The following ARHGAP18 variants were observed in gnomAD, a reference collection of about 807,000 sequenced individuals.
ARHGAP18 encodes Rho GTPase activating protein 18, also known as rho GTPase-activating protein 18.
ARHGAP18 carries 67 observed loss-of-function variants against 86.2 expected under a neutral mutation model. That is an observed-to-expected ratio of 0.78 (90% CI 0.64 to 0.95). ARHGAP18 has a LOEUF of 0.95. ARHGAP18 is among the 40% of genes least tolerant of loss of function. The pLI is 0.00. For synonymous variants in ARHGAP18, 283 were observed against 280.4 expected (o/e 1.01, Z -0.09); for missense variants, 691 against 780.4 (o/e 0.89, Z 1.37).
At chr6:129,614,618 C>T (rs935954193) in intron 7 of ARHGAP18, among the ~76,000 whole-genome samples, 1 of 152,176 alleles carries the variant, frequency 6.6e-6, no homozygotes, top group South Asian at 2.1e-4. Flanking sequence ...CACGTGGCAT[C>T]ACTGAACCTC....
At chr6:129,676,498 T>A (rs541057268) in intron 1 of ARHGAP18, among the ~76,000 whole-genome samples, 12 of 152,158 alleles carry the variant, frequency 7.9e-5, no homozygotes, top group Non-Finnish European at 1.6e-4. Flanking sequence ...CCCTGGCATC[T>A]CCACAGTTAG....
chr6:129,604,148 T>C (rs908621114), intron 10 of ARHGAP18, among the ~76,000 whole-genome samples: 15 of 152,174 alleles, frequency 9.9e-5, no homozygotes, highest in South Asian at 6.2e-4. Context: ...AAAGCTTAAG[T>C]AAACATGTAA....
chr6:129,639,067 T>A (rs575665670), intron 2 of ARHGAP18, among the ~76,000 whole-genome samples: 2 of 152,344 alleles, frequency 1.3e-5, no homozygotes, highest in South Asian at 2.1e-4. Flanking sequence ...GTTTTCTCTG[T>A]TCACTGTAGC....
intron 1 of ARHGAP18, among the ~76,000 whole-genome samples, chr6:129,667,239 C>G (rs1774057468): frequency 6.6e-6 from 1 of 151,792 alleles, no homozygotes; most frequent in Non-Finnish European, 1.5e-5. Flanking sequence ...CTTGTGGGCA[C>G]TGTTGTTCAA....
At chr6:129,587,730 G>C (rs1788425718) in intron 12 of ARHGAP18, among the ~76,000 whole-genome samples, 1 of 152,128 alleles carries the variant, frequency 6.6e-6, no homozygotes, top group African/African-American at 2.4e-5. Context: ...CTCCTACCAG[G>C]TGCCTCCCAC....
chr6:129,633,135 T>C (rs1476944983), intron 4 of ARHGAP18, among the ~76,000 whole-genome samples: 1 of 152,096 alleles, frequency 6.6e-6, no homozygotes, highest in Non-Finnish European at 1.5e-5. Flanking sequence ...AAAGCCTTAA[T>C]AGTAACTTTT....
At chr6:129,677,948 A>G (rs1774264345) in intron 1 of ARHGAP18, among the ~76,000 whole-genome samples, 1 of 152,238 alleles carries the variant, frequency 6.6e-6, no homozygotes, top group South Asian at 2.1e-4. Context: ...TTAATGTGGG[A>G]AAGGGAAAGG....
chr6:129,640,133 T>C (rs1287235387), intron 2 of ARHGAP18, among the ~76,000 whole-genome samples: 1 of 151,006 alleles, frequency 6.6e-6, no homozygotes, highest in Non-Finnish European at 1.5e-5. Flanking sequence ...TAAAACCAGA[T>C]TGCCAGAAAA....
At position 129,664,025 on chromosome 6, in the gene ARHGAP18, A is replaced by T. The variant is rs192581009; in HGVS notation, c.114-22007T>A. On this transcript the variant is annotated intron_variant, in intron 1 of 14. Coordinates refer to ENST00000368149, the MANE Select transcript of ARHGAP18 (RefSeq NM_033515.3). ...TGTGGTGGGGCTGGCCCCTTTGAACAGGTTATCTACCTCCCAGTTTGGCAC... is the reference window on the plus strand; with the variant it reads ...TGTGGTGGGGCTGGCCCCTTTGAACTGGTTATCTACCTCCCAGTTTGGCAC... 5.4e-4 allele frequency among the ~76,000 whole-genome samples: 83 copies of T among 152,386 alleles called. 1 individual carries two copies. Among genetic ancestry groups the T allele is most frequent in the Admixed American group, 1.8e-3 (28 of 15,314 alleles).
At chr6:129,658,048 G>T (rs1773875474) in intron 1 of ARHGAP18, among the ~76,000 whole-genome samples, 1 of 152,198 alleles carries the variant, frequency 6.6e-6, no homozygotes. Flanking sequence ...TCACTGTATA[G>T]TGTGGGAAGG....
intron 1 of ARHGAP18, among the ~76,000 whole-genome samples, chr6:129,659,360 T>A (rs1383432206): frequency 6.6e-6 from 1 of 152,232 alleles, no homozygotes; most frequent in Non-Finnish European, 1.5e-5. Flanking sequence ...TATTTTCTCA[T>A]TGACTCAGCA....
intron 1 of ARHGAP18, among the ~76,000 whole-genome samples, chr6:129,707,441 C>G (rs1011420605): frequency 1.3e-5 from 2 of 151,954 alleles, no homozygotes; most frequent in Non-Finnish European, 2.9e-5. Flanking sequence ...GGAGGAAATG[C>G]AGAATCTAAT....
At chr6:129,648,610 T>TA (rs35138402) in intron 1 of ARHGAP18, among the ~76,000 whole-genome samples, 4,285 of 148,574 alleles carry the variant, frequency 0.029, 187 homozygotes, top group African/African-American at 0.098. Context: ...CATCTCTATT[T>TA]AAAAAAAAAA....
chr6:129,667,503 G>GTGTGTGTGTGTGTGTGTA (rs548429421), intron 1 of ARHGAP18, among the ~76,000 whole-genome samples: 36 of 145,402 alleles, frequency 2.5e-4, no homozygotes, highest in South Asian at 4.4e-4. Context: ...GTGTGTGTGT[G>GTGTGTGTGTGTGTGTGTA]TGTTGTGTAT....
chr6:129,608,105 T>G, intron 8 of ARHGAP18, 53 bp from the exon 9 acceptor site: 1 of 1,486,970 alleles, frequency 6.7e-7, no homozygotes, highest in Non-Finnish European at 8.9e-7. Flanking sequence ...TAGAAGTGCA[T>G]TTTTTTTCTT....
At chr6:129,682,234 T>C (rs994894054) in intron 1 of ARHGAP18, among the ~76,000 whole-genome samples, 2 of 152,198 alleles carry the variant, frequency 1.3e-5, no homozygotes, top group Non-Finnish European at 2.9e-5. Context: ...TATTGGTGTC[T>C]GTTAAGTATG....
intron 14 of ARHGAP18, among the ~76,000 whole-genome samples, chr6:129,579,834 T>C (rs1788250705): frequency 6.6e-6 from 1 of 152,234 alleles, no homozygotes; most frequent in Admixed American, 6.5e-5. Flanking sequence ...TTATTCTTAC[T>C]GTATAGGGAA....
At chr6:129,680,440 C>G (rs1774305674) in intron 1 of ARHGAP18, among the ~76,000 whole-genome samples, 1 of 152,164 alleles carries the variant, frequency 6.6e-6, no homozygotes, top group Non-Finnish European at 1.5e-5. Context: ...CAAATTAAAA[C>G]TAATATTATA....
chr6:129,618,794 T>C lies in ARHGAP18; in HGVS notation c.845A>G (p.Gln282Arg), dbSNP rs769386921. 1.2e-6 allele frequency: 2 copies of C among 1,613,666 alleles called. No homozygotes were observed. Among genetic ancestry groups the C allele is most frequent in the Admixed American group, 3.3e-5 (2 of 60,022 alleles). ...GTTRIGDLAPQDMKKVCHLAL... is the reference protein window; with the variant it reads ...GTTRIGDLAPRDMKKVCHLAL... ...TAAATGGCAAACTTTCTTCATGTCC[T>C]GGGGTGCGAGGTCACCAATCCTTGT... is the stretch of plus-strand genomic sequence containing the variant. The change falls in exon 6 of 15, where the codon CAG becomes CGG. Residue 282 changes from glutamine to arginine, a missense_variant. Transcript: ENST00000368149.
Sources: gnomAD v4.1 joint callset for allele counts (sites outside exome capture counted in the v4.1 genomes callset) on GRCh38, gnomAD v4.1.1 for gene constraint, MANE v1.5 for transcripts, NCBI Gene and HGNC (gene_info 2026-07-23, HGNC 2026-07-21) for gene names.